The following THTPA variants were observed in gnomAD, a reference collection of about 807,000 sequenced individuals.
The protein encoded by THTPA is thiamine triphosphatase.
Under a neutral mutation model 16.5 loss-of-function variants are expected in THTPA, and 16 were observed. The observed-to-expected ratio is 0.97, with a 90% CI of 0.66 to 1.47. The LOEUF (loss-of-function observed/expected upper bound fraction) is 1.47. Among genes scored for constraint, THTPA ranks in the 40% most tolerant of loss-of-function variants. The pLI is 0.00. For missense variants in THTPA, 281 were observed against 280.9 expected, an observed-to-expected ratio of 1.00 and a Z score of 0.00; for synonymous variants, 110 against 115.5, an observed-to-expected ratio of 0.95 and a Z score of 0.30.
In THTPA at chr14:23,559,161, C is replaced by A. The variant is rs966841214; in HGVS notation, c.*321C>A. On this transcript the variant is annotated 3_prime_UTR_variant, in exon 2 of 2. Coordinates refer to ENST00000288014, the MANE Select transcript of THTPA (RefSeq NM_024328.6). ...ACAGGAAAATCCCTTGCCACCCCCC[C>A]TCCCTTGGTCGATGCCATTGATTCT... 10 of 286,746 alleles carry A rather than the reference C, an allele frequency of 3.5e-5. No homozygotes were observed. The highest frequency in any genetic ancestry group is 6.0e-5 in the Non-Finnish European group (9 of 151,120). 17.8% of individuals were successfully genotyped at this position (286,746 alleles called of 1,614,324 possible).
chr14:23,535,480 C>T, the THTPA span: 1 of 891,140 alleles, frequency 1.1e-6, no homozygotes, highest in Non-Finnish European at 1.5e-6. This position sits in a 1 kb window ranked among gnomAD's most constrained non-coding sequence, Gnocchi z 4.5. Flanking sequence ...GAACACCAGA[C>T]TCAGACACCA....
At chr14:23,524,805 C>G in the THTPA span, 32 of 1,536,814 alleles carry the variant, frequency 2.1e-5, no homozygotes, top group African/African-American at 4.4e-4. This position sits in a 1 kb window ranked among gnomAD's most constrained non-coding sequence, Gnocchi z 5.6. Context: ...TCTTCCACCT[C>G]TTCCTCCTCT....
chr14:23,530,830 A>G, the THTPA span: 2 of 236,940 alleles, frequency 8.4e-6, no homozygotes, highest in Non-Finnish European at 1.6e-5. Context: ...CCTGCTGCCC[A>G]TGCCCTCGCC....
intron 1 of THTPA, 146 bp downstream of exon 1, chr14:23,557,450 G>A: frequency 2.3e-6 from 2 of 887,940 alleles, no homozygotes; most frequent in Non-Finnish European, 3.3e-6. Flanking sequence ...TGCCCAGGCT[G>A]GTCTGGAACT....
At chr14:23,522,249 G>A in the THTPA span, 309 of 1,480,188 alleles carry the variant, frequency 2.1e-4, no homozygotes, top group Middle Eastern at 3.5e-4. Context: ...CCAGAGCCCC[G>A]CCCAAAGAAG....
chr14:23,525,715 C>G, the THTPA span: 17 of 1,519,478 alleles, frequency 1.1e-5, no homozygotes, highest in Non-Finnish European at 1.4e-5. This position sits in a 1 kb window ranked among gnomAD's most constrained non-coding sequence, Gnocchi z 5.9. Flanking sequence ...GCCGCTCCCA[C>G]TCCCGCTCAG....
chr14:23,515,278 A>G, the THTPA span, among the ~76,000 whole-genome samples: 2 of 152,148 alleles, frequency 1.3e-5, no homozygotes, highest in African/African-American at 2.4e-5. Context: ...TGATTTGCTG[A>G]GCTGTGGTTG....
chr14:23,547,839 C>G, the THTPA span, among the ~76,000 whole-genome samples: 8 of 152,300 alleles, frequency 5.3e-5, no homozygotes, highest in South Asian at 1.5e-3. Flanking sequence ...AGACACTGTG[C>G]TAGGTGCTGG....
chr14:23,548,441 A>C, the THTPA span: 1 of 152,202 alleles, frequency 6.6e-6, no homozygotes, highest in Non-Finnish European at 1.5e-5. Flanking sequence ...CAAAGCAGCA[A>C]GTGATTCCTG....
chr14:23,548,720 T>TTC, the THTPA span, among the ~76,000 whole-genome samples: 54 of 151,450 alleles, frequency 3.6e-4, no homozygotes, highest in African/African-American at 1.2e-3. Context: ...GCTCGTGAGG[T>TTC]TCTCTCTCTC....
chr14:23,547,188 C>G, the THTPA span, among the ~76,000 whole-genome samples: 1 of 152,370 alleles, frequency 6.6e-6, no homozygotes, highest in Non-Finnish European at 1.5e-5. Context: ...CCATCCCTCA[C>G]AGGGTTCTTT....
the THTPA span, chr14:23,535,045 T>G: frequency 2.0e-6 from 3 of 1,536,158 alleles, no homozygotes; most frequent in South Asian, 2.4e-5. This position sits in a 1 kb window ranked among gnomAD's most constrained non-coding sequence, Gnocchi z 4.5. Context: ...CTCCTTGTCC[T>G]TTTCCACCCC....
chr14:23,545,286 G>A, the THTPA span, among the ~76,000 whole-genome samples: 1 of 152,178 alleles, frequency 6.6e-6, no homozygotes, highest in African/African-American at 2.4e-5. Flanking sequence ...GGACTGACAC[G>A]CAGGCCGAGA....
At chr14:23,555,998 C>G (rs1388736020), upstream of THTPA, 1 of 152,292 alleles carries the variant, frequency 6.6e-6, no homozygotes, top group African/African-American at 2.4e-5. Flanking sequence ...CATCATGCAT[C>G]CGCGCCTCGG....
At chr14:23,527,054 T>G in the THTPA span, 6 of 1,411,226 alleles carry the variant, frequency 4.3e-6, no homozygotes, top group South Asian at 9.8e-5. Context: ...GCCCTACACC[T>G]GTACTTGTGC....
the THTPA span, chr14:23,522,472 C>G: frequency 6.5e-7 from 1 of 1,535,106 alleles, no homozygotes; most frequent in Non-Finnish European, 8.7e-7. Context: ...GCTGGGGTGG[C>G]GGCTGGAGGA....
At chr14:23,526,316 T>C in the THTPA span, 1 of 1,536,290 alleles carries the variant, frequency 6.5e-7, no homozygotes, top group Non-Finnish European at 8.7e-7. Flanking sequence ...AGAATTATAA[T>C]GAACCAACAG....
At chr14:23,526,287 T>C in the THTPA span, 1 of 1,536,296 alleles carries the variant, frequency 6.5e-7, no homozygotes, top group Non-Finnish European at 8.7e-7. Context: ...GCCTTCTTCA[T>C]CTTGTGAAGG....
chr14:23,523,698 C>G, the THTPA span: 1 of 1,537,034 alleles, frequency 6.5e-7, no homozygotes, highest in Non-Finnish European at 8.7e-7. This position sits in a 1 kb window ranked among gnomAD's most constrained non-coding sequence, Gnocchi z 4.1. Flanking sequence ...TCATAGCAGG[C>G]TTTCATGATC....
Sources: allele counts gnomAD v4.1 joint callset (sites outside exome capture counted in the v4.1 genomes callset), GRCh38; gene constraint gnomAD v4.1.1; non-coding constraint Gnocchi (gnomAD v3.1); transcripts MANE v1.5; gene names NCBI Gene and HGNC (gene_info 2026-07-23, HGNC 2026-07-21).